The following RERE variants were observed in gnomAD, a reference collection of about 807,000 sequenced individuals.
RERE encodes the protein arginine-glutamic acid dipeptide repeats protein.
Under a neutral mutation model 146.1 loss-of-function variants are expected in RERE, and 40 were observed. The observed-to-expected ratio is 0.27, with a 90% confidence interval of 0.21 to 0.36. The LOEUF is 0.36. Ranked by LOEUF, RERE falls within the 10% of genes least tolerant of loss-of-function variation. The pLI, the probability that RERE is intolerant of heterozygous loss-of-function variation, is 1.00. For synonymous variants in RERE, 1,003 were observed against 866.0 expected (o/e 1.16, Z -2.78); for missense variants, 1,933 against 2,138.7 (o/e 0.90, Z 1.90).
At chr1:8,767,011 T>A (rs527547979) in intron 1 of RERE, among the ~76,000 whole-genome samples, 2 of 152,348 alleles carry the variant, frequency 1.3e-5, no homozygotes, top group East Asian at 3.9e-4. Flanking sequence ...TTTACCTTTA[T>A]ATAAAATGTA....
At chr1:8,456,700 G>A (rs184138290) in intron 11 of RERE, among the ~76,000 whole-genome samples, 184 of 152,176 alleles carry the variant, frequency 1.2e-3, no homozygotes, top group Non-Finnish European at 1.1e-3. Context: ...ATCCACTCCG[G>A]GGCATCTTTG....
intron 4 of RERE, 99 bp from the exon 5 acceptor site, chr1:8,557,622 G>A (rs146815859): frequency 9.3e-5 from 69 of 742,088 alleles, no homozygotes; most frequent in Middle Eastern, 2.3e-4. Flanking sequence ...GGGTGGACAC[G>A]TAGATAGGGA....
chr1:8,705,384 G>C (rs1216997128), intron 1 of RERE, among the ~76,000 whole-genome samples: 3 of 152,136 alleles, frequency 2.0e-5, no homozygotes, highest in Admixed American at 2.0e-4. Context: ...AGGCCAGCAG[G>C]CTTCTTCCCA....
intron 2 of RERE, among the ~76,000 whole-genome samples, chr1:8,654,272 A>G (rs1647800654): frequency 6.6e-6 from 1 of 151,584 alleles, no homozygotes; most frequent in African/African-American, 2.4e-5. Context: ...TACTCAAGCA[A>G]TCCTCCCGCC....
intron 1 of RERE, among the ~76,000 whole-genome samples, chr1:8,679,731 G>A (rs1033454630): frequency 5.3e-5 from 8 of 152,254 alleles, no homozygotes; most frequent in Admixed American, 2.0e-4. Context: ...AATTACCTCC[G>A]TATTTATAAT....
At chr1:8,547,681 C>G (rs553761742) in intron 6 of RERE, among the ~76,000 whole-genome samples, 2 of 152,176 alleles carry the variant, frequency 1.3e-5, no homozygotes, top group South Asian at 4.1e-4. Context: ...GGAGATAACA[C>G]TTCTCACCTA....
chr1:8,709,669 T>C (rs4908773), intron 1 of RERE, among the ~76,000 whole-genome samples: 129,318 of 152,214 alleles, frequency 0.85, 55,159 homozygotes, highest in East Asian at 0.95. Flanking sequence ...CATCCCATTC[T>C]TGTTTATTAC....
At chr1:8,695,588 A>G (rs964878420) in intron 1 of RERE, among the ~76,000 whole-genome samples, 60 of 41,930 alleles carry the variant, frequency 1.4e-3, no homozygotes, top group African/African-American at 3.9e-3. Flanking sequence ...CATTTCTACT[A>G]AAAAAAAAAA....
intron 12 of RERE, among the ~76,000 whole-genome samples, chr1:8,371,930 G>T (rs1642052687): frequency 6.6e-6 from 1 of 152,156 alleles, no homozygotes; most frequent in African/African-American, 2.4e-5. Flanking sequence ...ATGTGAGCAG[G>T]GTCTCCTCCC....
At chr1:8,638,793 T>A (rs1385527537) in intron 2 of RERE, among the ~76,000 whole-genome samples, 1 of 144,246 alleles carries the variant, frequency 6.9e-6, no homozygotes, top group Non-Finnish European at 1.5e-5. Flanking sequence ...ATTTTTTTTT[T>A]TTTTTTTTTT....
intron 12 of RERE, among the ~76,000 whole-genome samples, chr1:8,411,033 T>C (rs1488964588): frequency 6.6e-6 from 1 of 152,202 alleles, no homozygotes; most frequent in Non-Finnish European, 1.5e-5. Flanking sequence ...TAAGTATTTA[T>C]AGACATGCCT....
At chr1:8,457,715 C>G (rs924871558) in intron 11 of RERE, among the ~76,000 whole-genome samples, 1 of 152,156 alleles carries the variant, frequency 6.6e-6, no homozygotes, top group African/African-American at 2.4e-5. Flanking sequence ...ATTCTCCTGC[C>G]TCAGCCTTCC....
At chr1:8,369,336 G>GA (rs542578498) in intron 12 of RERE, among the ~76,000 whole-genome samples, 2 of 151,836 alleles carry the variant, frequency 1.3e-5, no homozygotes, top group South Asian at 2.1e-4. Context: ...GCCAACAAGT[G>GA]AAAAAAATCA....
At chr1:8,793,174 A>AAAAGAAAGAAAG (rs58369389) in intron 1 of RERE, among the ~76,000 whole-genome samples, 1 of 127,060 alleles carries the variant, frequency 7.9e-6, no homozygotes, top group Non-Finnish European at 1.6e-5. Context: ...AAAAAAAAAA[A>AAAAGAAAGAAAG]AAAGAAAGAA....
intron 12 of RERE, among the ~76,000 whole-genome samples, chr1:8,416,659 AC>A (rs1643782272): frequency 6.6e-6 from 1 of 152,158 alleles, no homozygotes; most frequent in Non-Finnish European, 1.5e-5. Flanking sequence ...AAGCCCTGAT[AC>A]TTTTCTGTTT....
At chr1:8,408,140 T>C (rs942861890) in intron 12 of RERE, among the ~76,000 whole-genome samples, 7 of 151,896 alleles carry the variant, frequency 4.6e-5, no homozygotes, top group African/African-American at 1.5e-4. Context: ...CCAAAGTGAC[T>C]CTACTAGGTT....
chr1:8,523,524 T>C (rs1477954758), intron 7 of RERE, among the ~76,000 whole-genome samples: 2 of 152,164 alleles, frequency 1.3e-5, no homozygotes, highest in Non-Finnish European at 1.5e-5. Context: ...AAAGACTTCA[T>C]CAACCACCAG....
intron 19 of RERE, among the ~76,000 whole-genome samples, chr1:8,359,184 G>A (rs1641445552): frequency 6.6e-6 from 1 of 152,214 alleles, no homozygotes; most frequent in Non-Finnish European, 1.5e-5. Context: ...TTGTCTACGT[G>A]TGAGGGTTGT....
intron 4 of RERE, among the ~76,000 whole-genome samples, chr1:8,593,430 T>C (rs1002942228): frequency 6.6e-6 from 1 of 152,342 alleles, no homozygotes; most frequent in East Asian, 1.9e-4. Context: ...CTGATTGTTT[T>C]ATAAAGGGGA....
Sources: allele counts gnomAD v4.1 joint callset (sites outside exome capture counted in the v4.1 genomes callset), GRCh38; gene constraint gnomAD v4.1.1; transcripts MANE v1.5; gene names NCBI Gene and HGNC (gene_info 2026-07-23, HGNC 2026-07-21).